Variants in PRKAG2 observed in about 807,000 individuals in gnomAD.
The protein encoded by PRKAG2 is protein kinase AMP-activated non-catalytic subunit gamma 2.
PRKAG2 carries 26 observed loss-of-function variants against 69.6 expected under a neutral mutation model. The ratio of observed to expected loss-of-function variants is 0.37; its 90% CI spans 0.27 to 0.52. The LOEUF is 0.52. Ranked by LOEUF, PRKAG2 falls within the 20% of genes least tolerant of loss-of-function variation. PRKAG2 has a pLI of 0.90. For missense variants in PRKAG2, 557 were observed against 740.0 expected (o/e 0.75, Z 2.87); for synonymous variants, 293 against 285.0 (o/e 1.03, Z -0.28).
At chr7:151,834,381 C>A (rs2079100478) in intron 1 of PRKAG2, among the ~76,000 whole-genome samples, 1 of 152,348 alleles carries the variant, frequency 6.6e-6, no homozygotes, top group Non-Finnish European at 1.5e-5. Flanking sequence ...AGTCGCCAGG[C>A]ACACTGAGTT....
At position 151,669,066 on chromosome 7, in the gene PRKAG2, T is replaced by C. The variant is rs13437821; in HGVS notation, c.684+6354A>G. Among the ~76,000 whole-genome samples the C allele has an allele frequency of 7.9e-3, 1,197 of 152,348 alleles. 14 individuals carry two copies. The highest frequency in any genetic ancestry group is 0.027 in the African/African-American group (1,121 of 41,576). ...GTGCTTGATGTGCTCCCACTGCCTATAAGGAAACGCACTCCTTTCCTTTGT... is the reference window on the plus strand; with the variant it reads ...GTGCTTGATGTGCTCCCACTGCCTACAAGGAAACGCACTCCTTTCCTTTGT... On this transcript the variant is annotated intron_variant, in intron 4 of 15. Coordinates refer to ENST00000287878, the MANE Select transcript of PRKAG2 (RefSeq NM_016203.4).
In PRKAG2 at chr7:151,773,128, G is replaced by A. The variant is rs10452854; in HGVS notation, c.466+8024C>T. ...GGGAAGGGAAGGGAAGGAAGGAAAG[G>A]AAGGAAAGAAGGGAAGAAAGGAAGG... is the stretch of plus-strand genomic sequence containing the variant. On this transcript the variant is annotated intron_variant, in intron 3 of 15. Coordinates refer to ENST00000287878, the MANE Select transcript of PRKAG2 (RefSeq NM_016203.4). Among the ~76,000 whole-genome samples the A allele has an allele frequency of 1.2e-4, 17 of 141,302 alleles. No individual in the cohort carries two copies. In the East Asian group the frequency reaches 2.8e-3, roughly 23 times the overall value. The allele number at this position is 141,302 out of a possible 152,430, so 92.7% of individuals were successfully genotyped here.
rs1251971126 is a variant in PRKAG2, at chr7:151,614,949, CGA to C, written c.754+17118_754+17119del. Among the ~76,000 whole-genome samples the C allele has an allele frequency of 2.0e-5, 3 of 152,034 alleles. No individual in the cohort carries two copies. The highest frequency in any genetic ancestry group is 7.2e-5 in the African/African-American group (3 of 41,412). On this transcript the variant is annotated intron_variant, in intron 5 of 15. Transcript: ENST00000287878. The surrounding 1 kb of genome is among the most constrained non-coding windows in gnomAD (Gnocchi z 4.4). ...AGCCGTGTGGATCTAGAGGGAACCT[CGA>C]GAGAGGAGCCGTATGGATCCAGAGG...
chr7:151,573,930 T>C (rs1808289858), intron 8 of PRKAG2, among the ~76,000 whole-genome samples: 2 of 152,022 alleles, frequency 1.3e-5, no homozygotes, highest in Admixed American at 1.3e-4. Context: ...AGATGCCCGC[T>C]GCCACACCCA....
intron 1 of PRKAG2, among the ~76,000 whole-genome samples, chr7:151,806,005 C>A (rs184139952): frequency 4.6e-5 from 7 of 152,218 alleles, no homozygotes; most frequent in Non-Finnish European, 1.0e-4. Context: ...TCTAGACCAG[C>A]CTGGCCAAAC....
intron 3 of PRKAG2, among the ~76,000 whole-genome samples, chr7:151,681,810 G>A (rs1001943525): frequency 6.6e-6 from 1 of 152,134 alleles, no homozygotes; most frequent in African/African-American, 2.4e-5. Context: ...CCGAGAGAAA[G>A]AACATGAAGA....
At position 151,836,517 on chromosome 7, in the gene PRKAG2, G is replaced by A. The variant is rs745565194; in HGVS notation, c.114+39990C>T. Among the ~76,000 whole-genome samples the A allele has an allele frequency of 6.6e-6, 1 of 152,222 alleles. No individual in the cohort carries two copies. Among genetic ancestry groups the A allele is most frequent in the African/African-American group, 2.4e-5 (1 of 41,452 alleles). ...CAACAACAACAACAAAGGCAAGGTG[G>A]ACCCATCGCTGGCTCCTCTGCCTCC... On this transcript the variant is annotated intron_variant, in intron 1 of 15. Transcript: ENST00000287878. The surrounding 1 kb of genome is among the most constrained non-coding windows in gnomAD (Gnocchi z 4.1).
chr7:151,643,957 T>C (rs1272799324), intron 4 of PRKAG2, among the ~76,000 whole-genome samples: 1 of 152,242 alleles, frequency 6.6e-6, no homozygotes, highest in East Asian at 1.9e-4. Flanking sequence ...TAGAGACTAT[T>C]ATTCCAAGTG....
chr7:151,649,039 G>A (rs1828031733), intron 4 of PRKAG2, among the ~76,000 whole-genome samples: 2 of 152,176 alleles, frequency 1.3e-5, no homozygotes, highest in African/African-American at 4.8e-5. Flanking sequence ...GTCACTAAAT[G>A]TGCTCAAATT....
intron 1 of PRKAG2, among the ~76,000 whole-genome samples, chr7:151,803,158 ATGTT>A (rs2077931792): frequency 6.6e-6 from 1 of 151,822 alleles, no homozygotes; most frequent in Non-Finnish European, 1.5e-5. Context: ...GGGTTTCACC[ATGTT>A]GGCCAGGTTG....
intron 1 of PRKAG2, among the ~76,000 whole-genome samples, chr7:151,793,963 C>CT (rs2077375337): frequency 2.6e-5 from 4 of 152,248 alleles, no homozygotes; most frequent in Admixed American, 2.6e-4. Context: ...GAGCCATTTA[C>CT]TTTCCACAGA....
chr7:151,742,978 C>T (rs1177165370), intron 3 of PRKAG2, among the ~76,000 whole-genome samples: 1 of 152,184 alleles, frequency 6.6e-6, no homozygotes, highest in Non-Finnish European at 1.5e-5. Context: ...GACCCTTCTT[C>T]AGCATACGTG....
At position 151,667,368 on chromosome 7, in the gene PRKAG2, T is replaced by C. The variant is rs57334526; in HGVS notation, c.684+8052A>G. On this transcript the variant is annotated intron_variant, in intron 4 of 15. Coordinates refer to ENST00000287878, the MANE Select transcript of PRKAG2 (RefSeq NM_016203.4). ...TTTACAGGAAGATTATTCTCAGAGC[T>C]GTCAACCATCTAAAAATAGCCAAAT... Among the ~76,000 whole-genome samples the C allele has an allele frequency of 4.8e-3, 737 of 152,356 alleles. 3 individuals carry two copies. The highest frequency in any genetic ancestry group is 0.017 in the African/African-American group (704 of 41,586).
chr7:151,612,305 G>T (rs1024689432), intron 5 of PRKAG2, among the ~76,000 whole-genome samples: 2 of 152,174 alleles, frequency 1.3e-5, no homozygotes, highest in African/African-American at 4.8e-5. Flanking sequence ...TTCTTGCAGG[G>T]TGTTCCTAGT....
chr7:151,729,714 G>A lies in PRKAG2; in HGVS notation c.466+51438C>T, dbSNP rs1243831749. Reference sequence around the variant, plus strand: ...GGCTCCTGTGGCTCTGCCTGCTGCCGTCCAGCCCCGCAGGCCTCTCGGAGT... The same window carrying A: ...GGCTCCTGTGGCTCTGCCTGCTGCCATCCAGCCCCGCAGGCCTCTCGGAGT... On this transcript the variant is annotated intron_variant, in intron 3 of 15. Transcript: ENST00000287878. 9.2e-5 allele frequency among the ~76,000 whole-genome samples: 14 copies of A among 151,932 alleles called. No individual in the cohort carries two copies. The East Asian group carries it at 1.4e-3, about 15-fold the overall frequency.
chr7:151,741,404 G>A (rs745888950), intron 3 of PRKAG2, among the ~76,000 whole-genome samples: 2 of 152,152 alleles, frequency 1.3e-5, no homozygotes, highest in African/African-American at 2.4e-5. Context: ...AAGGCCGGGC[G>A]CAGTGGCTCA....
At chr7:151,816,945 C>T (rs897756855) in intron 1 of PRKAG2, among the ~76,000 whole-genome samples, 9 of 152,280 alleles carry the variant, frequency 5.9e-5, no homozygotes, top group Middle Eastern at 3.4e-3. Flanking sequence ...TGGAGACCAG[C>T]GTTTGAGAGT....
chr7:151,741,214 AAAAATAAAATAAAAC>A (rs917038220), intron 3 of PRKAG2, among the ~76,000 whole-genome samples: 6 of 152,188 alleles, frequency 3.9e-5, no homozygotes, highest in South Asian at 2.1e-4. Flanking sequence ...CCCTGTCTCA[AAAAATAAAATAAAAC>A]AAAATAAAAT....
intron 1 of PRKAG2, among the ~76,000 whole-genome samples, chr7:151,853,713 T>C (rs2079635533): frequency 6.8e-6 from 1 of 146,792 alleles, no homozygotes; most frequent in Middle Eastern, 3.6e-3. Context: ...TGAGCTGAGA[T>C]CATGCCACTG....
Sources: allele counts gnomAD v4.1 joint callset (sites outside exome capture counted in the v4.1 genomes callset), GRCh38; gene constraint gnomAD v4.1.1; non-coding constraint Gnocchi (gnomAD v3.1); transcripts MANE v1.5; gene names NCBI Gene and HGNC (gene_info 2026-07-23, HGNC 2026-07-21).